Variants in MADD observed in about 807,000 individuals in gnomAD.
The protein encoded by MADD is MAP kinase activating death domain, also known as MAP kinase-activating death domain protein.
In MADD, 109 loss-of-function variants were observed where a neutral mutation model predicts 176.7. That is an observed-to-expected ratio of 0.62 (90% CI 0.53 to 0.72). The LOEUF is 0.72. MADD is among the 30% of genes least tolerant of loss of function. MADD has a pLI of 0.00. For synonymous variants in MADD, 771 were observed against 771.3 expected (o/e 1.00, Z 0.01); for missense variants, 1,914 against 2,045.5 (o/e 0.94, Z 1.24).
At chr11:47,305,121 C>T (rs552315631) in intron 22 of MADD, among the ~76,000 whole-genome samples, 6 of 152,106 alleles carry the variant, frequency 3.9e-5, no homozygotes, top group Middle Eastern at 3.4e-3. Flanking sequence ...GTTTTGGAGT[C>T]CTCCTATTCT....
chr11:47,294,357 A>AT (rs1264901633), intron 20 of MADD, among the ~76,000 whole-genome samples: 1 of 118,160 alleles, frequency 8.5e-6, no homozygotes, highest in Non-Finnish European at 1.7e-5. Flanking sequence ...TCAAAAAAAA[A>AT]AAAAAATAAA....
At chr11:47,299,403 A>G (rs1326493386) in intron 22 of MADD, among the ~76,000 whole-genome samples, 1 of 151,948 alleles carries the variant, frequency 6.6e-6, no homozygotes, top group Non-Finnish European at 1.5e-5. Context: ...AATTTCTCCT[A>G]AGAATTTATT....
At chr11:47,327,547 G>A (rs753006441) in intron 31 of MADD, 6 of 985,286 alleles carry the variant, frequency 6.1e-6, no homozygotes, top group African/African-American at 3.5e-5. Flanking sequence ...CTGCCAGCTC[G>A]TCTCTTCCTT....
At chr11:47,274,098 G>A (rs1591614541) in intron 2 of MADD, 122 bp downstream of exon 2, 1 of 938,320 alleles carries the variant, frequency 1.1e-6, no homozygotes, top group Non-Finnish European at 1.6e-6. Context: ...ATTTTACCCT[G>A]ATGGGAGCAT....
chr11:47,326,586 C>G, intron 30 of MADD, 34 bp downstream of exon 34: 1 of 1,427,532 alleles, frequency 7.0e-7, no homozygotes, highest in South Asian at 1.6e-5. Flanking sequence ...CGCTTCTTAG[C>G]GCTTTTGAGT....
intron 22 of MADD, among the ~76,000 whole-genome samples, chr11:47,303,499 A>G (rs868229578): frequency 1.3e-5 from 2 of 152,022 alleles, no homozygotes; most frequent in Middle Eastern, 6.8e-3. Flanking sequence ...CGGCCTCCCA[A>G]AGTGCTGGGA....
At chr11:47,271,806 C>A (rs1167842909) in intron 1 of MADD, among the ~76,000 whole-genome samples, 1 of 151,694 alleles carries the variant, frequency 6.6e-6, no homozygotes, top group African/African-American at 2.4e-5. Context: ...TACTCATATC[C>A]CATTTCATTT....
exon 16 of MADD, chr11:47,289,467 A>T: frequency 1.2e-6 from 2 of 1,613,988 alleles, no homozygotes; most frequent in Non-Finnish European, 1.7e-6. Context: ...AACCTCCATC[A>T]CCCCAGGGTC....
chr11:47,281,987 A>G (rs2057256941), intron 8 of MADD, among the ~76,000 whole-genome samples: 1 of 151,394 alleles, frequency 6.6e-6, no homozygotes, highest in Non-Finnish European at 1.5e-5. Flanking sequence ...GGCGCCTGCC[A>G]CCACGCCTGG....
At chr11:47,292,555 A>C in intron 19 of MADD, 1 of 1,614,024 alleles carries the variant, frequency 6.2e-7, no homozygotes, top group Non-Finnish European at 8.5e-7. Context: ...TTGTGGAACA[A>C]GCACCAGGAA....
In MADD at chr11:47,282,619, G is replaced by A. The variant is rs1259937549; in HGVS notation, c.1705+3G>A. 1.9e-6 allele frequency: 3 copies of A among 1,613,620 alleles called. No homozygotes were observed. The highest frequency in any genetic ancestry group is 2.7e-5 in the African/African-American group (2 of 74,914). On this transcript the variant is annotated splice_donor_region_variant and intron_variant, in intron 9 of 32. Coordinates refer to ENST00000402192, the Ensembl canonical transcript of MADD. ...TGCCTTTCAGCGAATTCACAACAGT[G>A]AGTCTACCTGCCCTCTGCTCCGCTC...
Position 47,282,376 on chromosome 11 carries a change from C to T in MADD, c.1470-5C>T. On this transcript the variant is annotated splice_polypyrimidine_tract_variant and splice_region_variant and intron_variant, in intron 8 of 32. Transcript: ENST00000402192. ...CTCAGATTATCTCATCATCTGCTTC[C>T]CCAGGGTTGCCATGGTACGGTTCTT... The T allele has an allele frequency of 6.2e-7, 1 of 1,613,320 alleles. No homozygotes were observed. Among genetic ancestry groups the T allele is most frequent in the Non-Finnish European group, 8.5e-7 (1 of 1,179,320 alleles).
At chr11:47,272,759 C>T (rs1591525205) in intron 1 of MADD, among the ~76,000 whole-genome samples, 1 of 152,324 alleles carries the variant, frequency 6.6e-6, no homozygotes. Context: ...GCACGTCTCC[C>T]TGTCCTTGCA....
chr11:47,329,505 C>G (rs2095813657), exon 33 of MADD: 2 of 214,622 alleles, frequency 9.3e-6, no homozygotes, highest in South Asian at 9.5e-5. Context: ...GAGTCTGGCT[C>G]TCCCTTCTCT....
chr11:47,296,668 G>A (rs534946070), intron 22 of MADD, among the ~76,000 whole-genome samples: 49 of 151,656 alleles, frequency 3.2e-4, no homozygotes, highest in Middle Eastern at 3.4e-3. Flanking sequence ...AATGCCTTAG[G>A]AAAAAAGAAC....
At chr11:47,292,595 G>T in intron 19 of MADD, 1 of 1,614,026 alleles carries the variant, frequency 6.2e-7, no homozygotes, top group Non-Finnish European at 8.5e-7. Context: ...TGGAAAAACA[G>T]AGTAAGGAAC....
intron 22 of MADD, among the ~76,000 whole-genome samples, chr11:47,296,578 A>G (rs1179700771): frequency 1.3e-5 from 2 of 152,178 alleles, no homozygotes; most frequent in Non-Finnish European, 1.5e-5. Context: ...AACAGGGATG[A>G]AAAAGGCATG....
chr11:47,274,148 A>G (rs965690948), intron 2 of MADD, among the ~76,000 whole-genome samples, 172 bp downstream of exon 2: 1 of 152,250 alleles, frequency 6.6e-6, no homozygotes, highest in Admixed American at 6.5e-5. Context: ...GTGGATTGAA[A>G]GCAAAACCCT....
Position 47,281,695 on chromosome 11 carries a change from A to T in MADD, c.1411A>T (p.Thr471Ser), listed in dbSNP as rs758918189. The change falls in exon 8 of 33, where the codon ACT (threonine) becomes TCT (serine). Residue 471 changes from threonine (T) to serine (S), a missense_variant. Coordinates refer to ENST00000402192, the Ensembl canonical transcript of MADD. The stretch of plus-strand genomic sequence containing the variant: ...TAATGACCTGCAGTCCACACCGTCC[A>T]CTGAATTCAACCCACTCATCTATGG... The T allele has an allele frequency of 4.3e-6, 7 of 1,613,406 alleles. No homozygotes were observed. The South Asian group carries it at 7.7e-5, about 18-fold the overall frequency.
Sources: allele counts gnomAD v4.1 joint callset (sites outside exome capture counted in the v4.1 genomes callset), GRCh38; gene constraint gnomAD v4.1.1; transcripts MANE v1.5; gene names NCBI Gene and HGNC (gene_info 2026-07-23, HGNC 2026-07-21).